ANPEP: variants seen among roughly 807,000 people sequenced by gnomAD.
The protein encoded by ANPEP is alanyl aminopeptidase, membrane, also known as aminopeptidase N.
Under a neutral mutation model 114.6 loss-of-function variants are expected in ANPEP, and 70 were observed. The observed-to-expected ratio is 0.61, with a 90% CI of 0.50 to 0.75. The LOEUF is 0.75. Among genes scored for constraint, ANPEP ranks in the 30% least tolerant of loss-of-function variants. The pLI, the probability that ANPEP is intolerant of heterozygous loss-of-function variation, is 0.00. For synonymous variants in ANPEP, 548 were observed against 522.3 expected (o/e 1.05, Z -0.67); for missense variants, 1,184 against 1,259.5 (o/e 0.94, Z 0.91).
At chr15:89,795,909 A>C (rs1440690544) in intron 15 of ANPEP, among the ~76,000 whole-genome samples, 1 of 152,232 alleles carries the variant, frequency 6.6e-6, no homozygotes, top group Non-Finnish European at 1.5e-5. Context: ...ATAGGACTCC[A>C]GGAGGAGTCC....
chr15:89,795,846 A>T (rs1968717256), intron 15 of ANPEP, among the ~76,000 whole-genome samples: 2 of 152,212 alleles, frequency 1.3e-5, no homozygotes, highest in Admixed American at 1.3e-4. Flanking sequence ...CAGTAGAGGG[A>T]GGCACCTCCA....
intron 16 of ANPEP, among the ~76,000 whole-genome samples, 188 bp downstream of exon 16, chr15:89,792,847 T>G (rs1277470777): frequency 1.3e-5 from 2 of 152,278 alleles, no homozygotes; most frequent in South Asian, 4.1e-4. Context: ...TGGGTCTTTG[T>G]ATAAAGAGGT....
At chr15:89,785,640 G>A in intron 20 of ANPEP, 139 bp from the exon 21 acceptor site, 4 of 1,263,420 alleles carry the variant, frequency 3.2e-6, no homozygotes, top group Non-Finnish European at 4.3e-6. Flanking sequence ...GGATAGGCAG[G>A]ACGTCCACCT....
Position 89,803,565 on chromosome 15 carries a change from C to A in ANPEP, c.1438-58G>T. On this transcript the variant is annotated intron_variant, in intron 8 of 20. Transcript: ENST00000300060. The surrounding 1 kb of genome is among the most constrained non-coding windows in gnomAD (Gnocchi z 4.2). ...TGTGCAGAGCCACCAGGACCCTGTG[C>A]CCCCAGACCCTGCCTTCAGTGAGGC... 6.2e-7 allele frequency: 1 copy of A among 1,600,720 alleles called. No individual in the cohort carries two copies. The highest frequency in any genetic ancestry group is 8.5e-7 in the Non-Finnish European group (1 of 1,174,886).
intron 2 of ANPEP, 144 bp from the exon 3 acceptor site, chr15:89,805,607 C>T (rs573781880): frequency 1.2e-5 from 15 of 1,225,900 alleles, no homozygotes; most frequent in East Asian, 2.6e-5. Flanking sequence ...CCCGCCTCGC[C>T]GGGAGCCTCC....
intron 19 of ANPEP, 70 bp from the exon 20 acceptor site, chr15:89,790,611 G>C: frequency 7.3e-7 from 1 of 1,361,140 alleles, no homozygotes; most frequent in Non-Finnish European, 1.0e-6. Context: ...CACACCTACT[G>C]GGTAGGGAGC....
intron 14 of ANPEP, 40 bp from the exon 15 acceptor site, chr15:89,797,762 C>T: frequency 1.2e-6 from 2 of 1,611,818 alleles, no homozygotes; most frequent in Non-Finnish European, 1.7e-6. Context: ...GCACCTCCAC[C>T]CAGCCCAGCC....
rs758952297 is a variant in ANPEP at position 89,793,029 on chromosome 15, A to C, written c.2249+6T>G. 11 of 1,612,668 alleles carry C rather than the reference A, an allele frequency of 6.8e-6. No individual in the cohort carries two copies. Among genetic ancestry groups the C allele is most frequent in the Non-Finnish European group, 9.3e-6 (11 of 1,178,898 alleles). The stretch of plus-strand genomic sequence containing the variant: ...GACTTCCAAACCCATGAGAGCTCCC[A>C]CTCACTGGTCCATCAGGTTTTCTGG... On this transcript the variant is annotated splice_donor_region_variant and intron_variant, in intron 16 of 20. Transcript: ENST00000300060.
rs552424579 is a variant in ANPEP at position 89,806,422 on chromosome 15, T to C, written c.162A>G (p.Ser54=). The C allele has an allele frequency of 1.2e-6, 2 of 1,613,804 alleles. No individual in the cohort carries two copies. The highest frequency in any genetic ancestry group is 1.7e-6 in the Non-Finnish European group (2 of 1,179,874). ...SPVASTTPSA[S]ATTNPASATT... ...TGGCCGAGGCGGGGTTGGTGGTGGC[T>C]GAGGCGGACGGGGTGGTGGAGGCCA... The change falls in exon 2 of 21, where the codon TCA becomes TCG. Residue 54 remains serine, a synonymous_variant. Transcript: ENST00000300060. The surrounding 1 kb of genome is among the most constrained non-coding windows in gnomAD (Gnocchi z 5.7).
rs748657441 is a variant in ANPEP, at chr15:89,793,137, G to T, written c.2158-11C>A. On this transcript the variant is annotated splice_polypyrimidine_tract_variant and intron_variant, in intron 15 of 20. Transcript: ENST00000300060. ...CTTCTTCAGGTAGTTCTGGGGAAAA[G>T]AAAATATGAATCTCATCAAAGACTC... is the stretch of plus-strand genomic sequence containing the variant. 5.0e-6 allele frequency: 8 copies of T among 1,609,080 alleles called. No individual in the cohort carries two copies. Among genetic ancestry groups the T allele is most frequent in the Non-Finnish European group, 6.8e-6 (8 of 1,175,488 alleles).
At chr15:89,795,078 A>G (rs556099536) in intron 15 of ANPEP, among the ~76,000 whole-genome samples, 2 of 142,284 alleles carry the variant, frequency 1.4e-5, no homozygotes, top group African/African-American at 2.8e-5. Context: ...ACTCAAGAGG[A>G]AACGAGTCAA....
intron 19 of ANPEP, 98 bp downstream of exon 19, chr15:89,790,855 T>C (rs2141789449): frequency 2.7e-6 from 4 of 1,481,348 alleles, no homozygotes; most frequent in Non-Finnish European, 3.7e-6. Context: ...TTTGTCCACT[T>C]CTGGTTAGTG....
At chr15:89,794,658 C>CT (rs397767541) in intron 15 of ANPEP, among the ~76,000 whole-genome samples, 2 of 151,804 alleles carry the variant, frequency 1.3e-5, no homozygotes, top group African/African-American at 4.9e-5. Context: ...CTCACCACCC[C>CT]ATGAGAGAGA....
chr15:89,795,061 A>C (rs1056477918), intron 15 of ANPEP, among the ~76,000 whole-genome samples: 1 of 151,448 alleles, frequency 6.6e-6, no homozygotes, highest in African/African-American at 2.4e-5. Flanking sequence ...GCCAAAACAA[A>C]CACAAAACTC....
In ANPEP at chr15:89,797,658, A is replaced by G; in HGVS notation, c.2074T>C (p.Tyr692His). 6.2e-7 allele frequency: 1 copy of G among 1,614,126 alleles called. No homozygotes were observed. The highest frequency in any genetic ancestry group is 8.5e-7 in the Non-Finnish European group (1 of 1,180,014). The change falls in exon 15 of 21, where the codon TAC becomes CAC. Residue 692 changes from tyrosine (Y) to histidine (H), a missense_variant. By Grantham distance (83) the Tyr-to-His change is moderately conservative (BLOSUM62 2). Coordinates refer to ENST00000300060, the MANE Select transcript of ANPEP (RefSeq NM_001150.3). ...NTLFLIEERQ[Y>H]MPWEAALSSL... The stretch of plus-strand genomic sequence containing the variant: ...CTCAGGGCGGCCTCCCAGGGCATGT[A>G]CTGTCTCTCTTCAATCAGGAAGAGG...
At position 89,792,474 on chromosome 15, in the gene ANPEP, T is replaced by C. The variant is rs1968650129; in HGVS notation, c.2338A>G (p.Met780Val). ...EMVSGLFKQWMENPNNNPIHP... is the reference protein window; with the variant it reads ...EMVSGLFKQWVENPNNNPIHP... ...CACGGGTTATTATTGGGGTTCTCCA[T>C]CCACTGCTTGAAAAGGCCAGAGACC... is the stretch of plus-strand genomic sequence containing the variant. The change falls in exon 17 of 21, where the codon ATG becomes GTG. Residue 780 changes from methionine to valine, a missense_variant. By Grantham distance (21) the Met-to-Val change is conservative. Transcript: ENST00000300060. 1 of 1,613,956 alleles carries C rather than the reference T, an allele frequency of 6.2e-7. No individual in the cohort carries two copies. Among genetic ancestry groups the C allele is most frequent in the Admixed American group, 1.7e-5 (1 of 60,002 alleles).
chr15:89,805,517 C>T, intron 2 of ANPEP, 54 bp from the exon 3 acceptor site: 1 of 1,603,174 alleles, frequency 6.2e-7, no homozygotes, highest in Non-Finnish European at 8.5e-7. Flanking sequence ...GTGGGAGGGG[C>T]TCTGAGGATG....
At chr15:89,801,219 T>C (rs780066595) in intron 11 of ANPEP, 32 bp from the exon 12 acceptor site, 15 of 1,611,080 alleles carry the variant, frequency 9.3e-6, no homozygotes, top group Non-Finnish European at 1.3e-5. Flanking sequence ...TGGTGAGAGA[T>C]GGCGGTGTGG....
chr15:89,805,607 CG>C, intron 2 of ANPEP, 144 bp from the exon 3 acceptor site: 1 of 1,225,898 alleles, frequency 8.2e-7, no homozygotes, highest in Non-Finnish European at 1.1e-6. Flanking sequence ...CCCGCCTCGC[CG>C]GGAGCCTCCG....
Sources: allele counts gnomAD v4.1 joint callset (sites outside exome capture counted in the v4.1 genomes callset), GRCh38; gene constraint gnomAD v4.1.1; non-coding constraint Gnocchi (gnomAD v3.1); transcripts MANE v1.5; gene names NCBI Gene and HGNC (gene_info 2026-07-23, HGNC 2026-07-21).